The following HPS1 variants were observed in gnomAD, a reference collection of about 807,000 sequenced individuals.
The protein encoded by HPS1 is HPS1 biogenesis of lysosomal organelles complex 3 subunit 1.
In HPS1, 59 loss-of-function variants were observed where a neutral mutation model predicts 90.6. The ratio of observed to expected loss-of-function variants is 0.65; its 90% CI spans 0.53 to 0.81. The LOEUF is 0.81. Among genes scored for constraint, HPS1 ranks in the 30% least tolerant of loss-of-function variants. The pLI, the probability that HPS1 is intolerant of heterozygous loss-of-function variation, is 0.00. For missense variants in HPS1, 849 were observed against 896.7 expected, an observed-to-expected ratio of 0.95 and a Z score of 0.68; for synonymous variants, 388 against 384.4, an observed-to-expected ratio of 1.01 and a Z score of -0.11.
At position 98,417,698 on chromosome 10, in the gene HPS1, G is replaced by C. The variant is rs780093504; in HGVS notation, c.1969C>G (p.Arg657Gly). 2.9e-5 allele frequency: 46 copies of C among 1,613,912 alleles called. No homozygotes were observed. The highest frequency in any genetic ancestry group is 3.9e-5 in the Non-Finnish European group (46 of 1,179,956). Reference sequence around the variant, plus strand: ...TAGCACCTGACAGCCTCGGTTGGGCGGTTCTTGCTGTAGTAGCGCAGGAGC... The same window carrying C: ...TAGCACCTGACAGCCTCGGTTGGGCCGTTCTTGCTGTAGTAGCGCAGGAGC... ...RKLLRYYSKN[R>G]PTEAVRCYEL... is the part of the protein sequence containing the mutation. The change falls in exon 20 of 20, where the codon CGC becomes GGC. Residue 657 changes from arginine (R) to glycine (G), a missense_variant. Arg to Gly is a moderately radical substitution (Grantham distance 125, BLOSUM62 -2). Transcript: ENST00000361490. This position sits in a 1 kb window ranked among gnomAD's most constrained non-coding sequence, Gnocchi z 4.2.
intron 10 of HPS1, among the ~76,000 whole-genome samples, chr10:98,428,266 C>T (rs1035443483): frequency 2.0e-5 from 3 of 152,244 alleles, no homozygotes; most frequent in African/African-American, 7.2e-5. Context: ...TCAACCTTGG[C>T]TACACACGAA....
intron 3 of HPS1, among the ~76,000 whole-genome samples, chr10:98,436,128 T>C (rs1175324080): frequency 2.0e-5 from 3 of 152,178 alleles, no homozygotes; most frequent in Non-Finnish European, 4.4e-5. Flanking sequence ...GCAATAAGTC[T>C]ACTTTGGAAA....
chr10:98,433,817 G>T lies in HPS1; in HGVS notation c.507+166C>A. 5.3e-6 allele frequency: 5 copies of T among 938,674 alleles called. No homozygotes were observed. The Admixed American group carries it at 6.5e-5, about 12-fold the overall frequency. The allele number at this position is 938,674 out of a possible 1,614,324, so 58.1% of individuals were successfully genotyped here. A position where few individuals can be genotyped will look rare whatever the true frequency, so the allele number is the denominator to read the frequency against. On this transcript the variant is annotated intron_variant, in intron 6 of 19. Transcript: ENST00000361490. The stretch of plus-strand genomic sequence containing the variant: ...TTTTACCATGGGAAAGCCCATCAGG[G>T]TACCCAACCCTCCATATGGCCAGAA...
At chr10:98,446,741 A>C (rs1939670952) in intron 1 of HPS1, 66 bp downstream of exon 1, 1 of 150,102 alleles carries the variant, frequency 6.7e-6, no homozygotes, top group Non-Finnish European at 1.5e-5. Flanking sequence ...CGACCGGCCC[A>C]CGGCCACACG....
In HPS1 at chr10:98,433,997, A is replaced by G. The variant is rs1308793714; in HGVS notation, c.493T>C (p.Cys165Arg). 1.3e-6 allele frequency: 2 copies of G among 1,558,964 alleles called. No individual in the cohort carries two copies. The highest frequency in any genetic ancestry group is 1.9e-5 in the Admixed American group (1 of 51,856). Residue 165 changes from cysteine (C) to arginine (R), a missense_variant, in exon 6 of 20, where the codon TGC becomes CGC. Cys to Arg is a radical substitution (Grantham distance 180). Transcript: ENST00000361490. ...TYSRLREQEQCFAVEALERLI... is the reference protein window; with the variant it reads ...TYSRLREQEQRFAVEALERLI... ...CCAGTAGTCACCTCCACGGCGAAGC[A>G]CTGCTCCTGCTCCCGCAGGCGGCTG... is the stretch of plus-strand genomic sequence containing the variant.
intron 3 of HPS1, among the ~76,000 whole-genome samples, chr10:98,441,106 C>T (rs1240686542): frequency 6.6e-6 from 1 of 152,102 alleles, no homozygotes; most frequent in Non-Finnish European, 1.5e-5. Context: ...GATGATGAGA[C>T]CCCTTAGAGC....
intron 10 of HPS1, among the ~76,000 whole-genome samples, chr10:98,428,837 A>C (rs1845958464): frequency 6.7e-6 from 1 of 148,932 alleles, no homozygotes; most frequent in Admixed American, 6.7e-5. Flanking sequence ...GAATATTTGT[A>C]GTTTTGTTTT....
At position 98,446,839 on chromosome 10, in the gene HPS1, G is replaced by C. The variant is rs1367651587; in HGVS notation, c.-138C>G. ...CCGGGAGGGTTGAAGGGGGGCTCCG[G>C]AGGGAGGATCGCCGCCCCCAGAGGG... is the stretch of plus-strand genomic sequence containing the variant. On this transcript the variant is annotated 5_prime_UTR_variant, in exon 1 of 20. Transcript: ENST00000361490. 6.6e-6 allele frequency: 1 copy of C among 152,250 alleles called. No individual in the cohort carries two copies. The highest frequency in any genetic ancestry group is 1.5e-5 in the Non-Finnish European group (1 of 68,074). The allele number at this position is 152,250 out of a possible 1,614,324, so 9.4% of individuals were successfully genotyped here. A position where few individuals can be genotyped will look rare whatever the true frequency, so the allele number is the denominator to read the frequency against.
At chr10:98,433,815 G>A in intron 6 of HPS1, 168 bp downstream of exon 6, 1 of 913,224 alleles carries the variant, frequency 1.1e-6, no homozygotes. Context: ...AAGCCCATCA[G>A]GGTACCCAAC....
chr10:98,429,523 T>C, intron 10 of HPS1, 50 bp downstream of exon 10: 1 of 1,613,838 alleles, frequency 6.2e-7, no homozygotes, highest in Admixed American at 1.7e-5. Flanking sequence ...CTGGGCTGCC[T>C]GTCGCTCGCA....
At chr10:98,429,719 T>C in intron 9 of HPS1, 72 bp downstream of exon 9, 6 of 1,613,674 alleles carry the variant, frequency 3.7e-6, no homozygotes, top group Admixed American at 3.3e-5. Flanking sequence ...CCAGGAGGGA[T>C]GGGAAAGGCC....
At chr10:98,428,076 A>C (rs1217360673) in intron 10 of HPS1, among the ~76,000 whole-genome samples, 1 of 152,190 alleles carries the variant, frequency 6.6e-6, no homozygotes, top group Non-Finnish European at 1.5e-5. Context: ...GGAACTTCGG[A>C]GATTACCCAG....
Position 98,435,484 on chromosome 10 carries a change from G to C in HPS1, c.256-70C>G. ...CCCTTCACCTGCCCTGGTCTCTGCA[G>C]ACAAGCCAGGGGAGGCTCGGGTCCC... On this transcript the variant is annotated intron_variant, in intron 4 of 19. Transcript: ENST00000361490. This position sits in a 1 kb window ranked among gnomAD's most constrained non-coding sequence, Gnocchi z 4.3. 6.2e-7 allele frequency: 1 copy of C among 1,611,950 alleles called. No individual in the cohort carries two copies. Among genetic ancestry groups the C allele is most frequent in the Non-Finnish European group, 8.5e-7 (1 of 1,178,474 alleles).
rs1244166576 is a variant in HPS1 at position 98,434,104 on chromosome 10, C to T, written c.399-13G>A. On this transcript the variant is annotated splice_polypyrimidine_tract_variant and intron_variant, in intron 5 of 19. Transcript: ENST00000361490. ...TGGGGGCCGCAGCCTGGGGGCAGAGCCAGAGAGGGCGGGAGAGATCACAAG... is the reference window on the plus strand; with the variant it reads ...TGGGGGCCGCAGCCTGGGGGCAGAGTCAGAGAGGGCGGGAGAGATCACAAG... 6.5e-7 allele frequency: 1 copy of T among 1,547,096 alleles called. No homozygotes were observed. The highest frequency in any genetic ancestry group is 2.0e-5 in the Admixed American group (1 of 50,978).
chr10:98,418,961 G>A (rs1844479905), intron 18 of HPS1, among the ~76,000 whole-genome samples: 1 of 152,244 alleles, frequency 6.6e-6, no homozygotes, highest in African/African-American at 2.4e-5. Context: ...AGGGCACGGA[G>A]GAAAGCTGGG....
At position 98,438,803 on chromosome 10, in the gene HPS1, A is replaced by T. The variant is rs528524187; in HGVS notation, c.118-3031T>A. 1.0e-3 allele frequency among the ~76,000 whole-genome samples: 156 copies of T among 152,302 alleles called. 1 individual carries two copies. Among genetic ancestry groups the T allele is most frequent in the African/African-American group, 3.6e-3 (148 of 41,568 alleles). On this transcript the variant is annotated intron_variant, in intron 3 of 19. Transcript: ENST00000361490. ...AAACGTTAATCACCAAGACAATGGG[A>T]AAAATGTCTCCAGGGCCTGTCAGAG... is the stretch of plus-strand genomic sequence containing the variant.
intron 11 of HPS1, among the ~76,000 whole-genome samples, chr10:98,426,381 A>G (rs1431685134): frequency 6.6e-6 from 1 of 152,236 alleles, no homozygotes; most frequent in Non-Finnish European, 1.5e-5. Flanking sequence ...CCCTCAGAAC[A>G]TCCCAACAGC....
Position 98,429,844 on chromosome 10 carries a change from G to C in HPS1, c.814C>G (p.Gln272Glu). 6.2e-7 allele frequency: 1 copy of C among 1,613,524 alleles called. No homozygotes were observed. Among genetic ancestry groups the C allele is most frequent in the Non-Finnish European group, 8.5e-7 (1 of 1,180,010 alleles). ...ARSSQNIPVQ[Q>E]AWSPHSTGPT... ...CCCGTGGAGTGAGGGCTCCAGGCCT[G>C]CTGCACGGGGATGTTCTGGCTGCTC... Residue 272 changes from glutamine to glutamate, a missense_variant, in exon 9 of 20, where the codon CAG becomes GAG. Coordinates refer to ENST00000361490, the MANE Select transcript of HPS1 (RefSeq NM_000195.5).
chr10:98,430,789 G>C, intron 7 of HPS1, 119 bp from the exon 8 acceptor site: 1 of 793,678 alleles, frequency 1.3e-6, no homozygotes, highest in Admixed American at 2.0e-5. Flanking sequence ...TTCTGGAGAT[G>C]GGCAAGGCAC....
Sources: allele counts gnomAD v4.1 joint callset (sites outside exome capture counted in the v4.1 genomes callset), GRCh38; gene constraint gnomAD v4.1.1; non-coding constraint Gnocchi (gnomAD v3.1); transcripts MANE v1.5; gene names NCBI Gene and HGNC (gene_info 2026-07-23, HGNC 2026-07-21).